RBFOX1: variants seen among roughly 807,000 people sequenced by gnomAD.
The protein encoded by RBFOX1 is RNA binding protein fox-1 homolog 1.
In RBFOX1, 8 loss-of-function variants were observed where a neutral mutation model predicts 57.7. The ratio of observed to expected loss-of-function variants is 0.14; its 90% CI spans 0.08 to 0.25. The LOEUF (loss-of-function observed/expected upper bound fraction) is 0.25, where lower values mean the gene tolerates loss of function less well. RBFOX1 is among the 10% of genes least tolerant of loss of function. The probability of loss-of-function intolerance (pLI) is 1.00; values close to 1 mark genes in which losing one functional copy is unlikely to be tolerated. For synonymous variants in RBFOX1, 326 were observed against 222.4 expected (o/e 1.47, Z -4.15); for missense variants, 611 against 548.5 (o/e 1.11, Z -1.14).
At chr16:5,775,671 A>G (rs2054123629) in intron 3 of RBFOX1, among the ~76,000 whole-genome samples, 1 of 152,186 alleles carries the variant, frequency 6.6e-6, no homozygotes, top group Non-Finnish European at 1.5e-5. Context: ...GGGCTCCAGG[A>G]AACAAAGGAC....
chr16:5,640,452 A>G (rs1440169110), intron 3 of RBFOX1, among the ~76,000 whole-genome samples: 3 of 151,946 alleles, frequency 2.0e-5, no homozygotes, highest in Non-Finnish European at 4.4e-5. Context: ...CACCATGCAT[A>G]CACAGGCACA....
At chr16:6,601,267 T>C in intron 2 of RBFOX1, among the ~76,000 whole-genome samples, 1 of 152,298 alleles carries the variant, frequency 6.6e-6, no homozygotes, top group Non-Finnish European at 1.5e-5. Context: ...CAACTAGGGC[T>C]ATAATTAGAA....
At chr16:6,224,574 T>C (rs1435452850) in intron 1 of RBFOX1, among the ~76,000 whole-genome samples, 5 of 152,138 alleles carry the variant, frequency 3.3e-5, no homozygotes, top group African/African-American at 1.2e-4. Flanking sequence ...GTGTTGCTTG[T>C]ACCCTAAAAA....
chr16:6,928,908 CAGTTGTCAGATATG>C (rs1253788144), intron 3 of RBFOX1, among the ~76,000 whole-genome samples: 2 of 152,130 alleles, frequency 1.3e-5, no homozygotes, highest in Non-Finnish European at 2.9e-5. Context: ...AGTAGAGCAT[CAGTTGTCAGATATG>C]GGGGCTTCAA....
intron 2 of RBFOX1, among the ~76,000 whole-genome samples, chr16:6,516,679 A>T (rs2096385339): frequency 6.6e-6 from 1 of 152,342 alleles, no homozygotes; most frequent in Admixed American, 6.5e-5. Context: ...TTTCAGTAAC[A>T]TCACCAATTA....
intron 3 of RBFOX1, among the ~76,000 whole-genome samples, chr16:6,911,160 C>T (rs909591444): frequency 6.6e-6 from 1 of 151,184 alleles, no homozygotes; most frequent in South Asian, 2.1e-4. Context: ...GATAATCGCA[C>T]CATTGCACTC....
chr16:6,665,354 C>T (rs1171429305), intron 3 of RBFOX1, among the ~76,000 whole-genome samples: 1 of 152,174 alleles, frequency 6.6e-6, no homozygotes, highest in African/African-American at 2.4e-5. Context: ...TGGCTCACGC[C>T]TATAATGCCA....
chr16:6,864,031 T>C (rs1032985315), intron 3 of RBFOX1, among the ~76,000 whole-genome samples: 12 of 150,148 alleles, frequency 8.0e-5, no homozygotes, highest in Admixed American at 1.3e-4. Flanking sequence ...GCAAAACCTC[T>C]AATTAACCTG....
chr16:7,177,519 A>T (rs559687894), intron 4 of RBFOX1, among the ~76,000 whole-genome samples: 76 of 152,094 alleles, frequency 5.0e-4, no homozygotes, highest in Admixed American at 2.8e-3. Flanking sequence ...AAAGAAGTAG[A>T]TCAGGGATGC....
chr16:6,936,689 G>A (rs1451567816), intron 3 of RBFOX1, among the ~76,000 whole-genome samples: 1 of 151,988 alleles, frequency 6.6e-6, no homozygotes, highest in African/African-American at 2.4e-5. Context: ...GGCTGAGAGA[G>A]GATAGCATTA....
intron 2 of RBFOX1, among the ~76,000 whole-genome samples, chr16:6,521,514 C>T (rs1434796448): frequency 7.1e-6 from 1 of 140,468 alleles, no homozygotes. Context: ...CCCTCCCCTT[C>T]GCTTTTCCCT....
chr16:7,710,028 T>C (rs1446584067), intron 15 of RBFOX1: 6 of 1,007,548 alleles, frequency 6.0e-6, no homozygotes, highest in Non-Finnish European at 7.1e-6. Flanking sequence ...ATTAAAACCA[T>C]GGCCGGACAG....
intron 6 of RBFOX1, among the ~76,000 whole-genome samples, chr16:7,583,528 A>G (rs1043366026): frequency 9.9e-5 from 15 of 152,252 alleles, no homozygotes; most frequent in African/African-American, 3.6e-4. Flanking sequence ...AAGTGAGACA[A>G]GTGGATTGTG....
At chr16:6,044,556 C>A (rs12926282) in intron 1 of RBFOX1, among the ~76,000 whole-genome samples, 37,600 of 151,556 alleles carry the variant, frequency 0.25, 5,319 homozygotes, top group Non-Finnish European at 0.32. Context: ...AGAGTGGTTT[C>A]AAAACATTGG....
chr16:7,184,552 A>T (rs571364065), intron 4 of RBFOX1, among the ~76,000 whole-genome samples: 5 of 152,318 alleles, frequency 3.3e-5, no homozygotes, highest in African/African-American at 1.2e-4. Flanking sequence ...AGTATGACAT[A>T]TTGGCTGTGC....
chr16:5,582,928 G>C (rs1006725092), intron 2 of RBFOX1, among the ~76,000 whole-genome samples: 1 of 152,212 alleles, frequency 6.6e-6, no homozygotes, highest in Non-Finnish European at 1.5e-5. Flanking sequence ...CTAAAAATCA[G>C]TGATAATGTT....
intron 4 of RBFOX1, among the ~76,000 whole-genome samples, chr16:7,218,209 A>C (rs926109311): frequency 7.9e-5 from 12 of 152,114 alleles, no homozygotes; most frequent in Non-Finnish European, 1.6e-4. Flanking sequence ...TTTAAACCTT[A>C]TGTCTTATTT....
At chr16:7,526,447 C>T (rs932559664) in intron 5 of RBFOX1, among the ~76,000 whole-genome samples, 8 of 152,172 alleles carry the variant, frequency 5.3e-5, no homozygotes, top group African/African-American at 1.9e-4. Flanking sequence ...GACCATTGAA[C>T]CTCTCTGCTC....
chr16:5,900,324 T>A (rs921550254), intron 4 of RBFOX1, among the ~76,000 whole-genome samples: 2 of 152,042 alleles, frequency 1.3e-5, no homozygotes, highest in African/African-American at 4.8e-5. Context: ...TGCCTGTAAA[T>A]GTGAATAAAA....
Sources: gnomAD v4.1 joint callset for allele counts (sites outside exome capture counted in the v4.1 genomes callset) on GRCh38, gnomAD v4.1.1 for gene constraint, MANE v1.5 for transcripts, NCBI Gene and HGNC (gene_info 2026-07-23, HGNC 2026-07-21) for gene names.